CAPN1: variants seen among roughly 807,000 people sequenced by gnomAD.
The protein encoded by CAPN1 is calpain-1 catalytic subunit.
Under a neutral mutation model 105.2 loss-of-function variants are expected in CAPN1, and 77 were observed. That is an observed-to-expected ratio of 0.73 (90% CI 0.61 to 0.88). The LOEUF (loss-of-function observed/expected upper bound fraction) is 0.88, where lower values mean the gene tolerates loss of function less well. CAPN1 is among the 40% of genes least tolerant of loss of function. The pLI is 0.00. For missense variants in CAPN1, 833 were observed against 976.6 expected, an observed-to-expected ratio of 0.85 and a Z score of 1.96; for synonymous variants, 355 against 388.8, an observed-to-expected ratio of 0.91 and a Z score of 1.02.
In CAPN1 at chr11:65,196,649, CTCTTT is replaced by C. The variant is rs1482392764; in HGVS notation, c.1165+7905_1165+7909del. Among the ~76,000 whole-genome samples the C allele has an allele frequency of 2.0e-5, 3 of 152,124 alleles. No individual in the cohort carries two copies. The East Asian group carries it at 5.8e-4, about 29-fold the overall frequency. On this transcript the variant is annotated intron_variant, in intron 10 of 21. Transcript: ENST00000279247. ...GTTAGGTTATTGATTTGATAGCTCT[CTCTTT>C]TAATATATGTACATTTTTCATGGCC...
chr11:65,211,134 C>T (rs756327638), intron 21 of CAPN1, 126 bp from the exon 22 acceptor site: 209 of 1,076,256 alleles, frequency 1.9e-4, no homozygotes, highest in Non-Finnish European at 2.7e-4. Flanking sequence ...AAGAAAGTAA[C>T]CCCTCCATGA....
intron 10 of CAPN1, among the ~76,000 whole-genome samples, chr11:65,200,278 C>T (rs183474540): frequency 4.6e-5 from 7 of 152,070 alleles, no homozygotes; most frequent in African/African-American, 7.2e-5. Context: ...AGGACTCATG[C>T]GATCTGTCTG....
Position 65,188,636 on chromosome 11 carries a change from A to T in CAPN1, c.1055A>T (p.Asn352Ile). ...GAGTTCACCCGCCTGGAGATCTGCAACCTCACACCCGACGCCCTCAAGAGC... is the reference window on the plus strand; with the variant it reads ...GAGTTCACCCGCCTGGAGATCTGCATCCTCACACCCGACGCCCTCAAGAGC... ...MREFTRLEIC[N>I]LTPDALKSRT... is the part of the protein sequence containing the mutation. Residue 352 changes from asparagine to isoleucine, a missense_variant, in exon 10 of 22, where the codon AAC (asparagine) becomes ATC (isoleucine). Asn to Ile is a moderately radical substitution (Grantham distance 149). Transcript: ENST00000279247. The surrounding 1 kb of genome is among the most constrained non-coding windows in gnomAD (Gnocchi z 5.5). The T allele has an allele frequency of 6.2e-7, 1 of 1,613,834 alleles. No homozygotes were observed. Among genetic ancestry groups the T allele is most frequent in the Non-Finnish European group, 8.5e-7 (1 of 1,179,852 alleles).
intron 10 of CAPN1, among the ~76,000 whole-genome samples, chr11:65,193,019 C>T (rs1396936437): frequency 4.7e-5 from 7 of 149,202 alleles, no homozygotes; most frequent in Non-Finnish European, 7.4e-5. Context: ...CTTGCTCTGT[C>T]GCCCAGGCTG....
chr11:65,205,745 C>T, intron 12 of CAPN1, 24 bp downstream of exon 12: 1 of 1,611,726 alleles, frequency 6.2e-7, no homozygotes, highest in Non-Finnish European at 8.5e-7. Flanking sequence ...CATGACCCAC[C>T]TGCAGTCACA....
intron 10 of CAPN1, among the ~76,000 whole-genome samples, chr11:65,197,707 T>A (rs1948810956): frequency 6.6e-6 from 1 of 151,932 alleles, no homozygotes; most frequent in Non-Finnish European, 1.5e-5. Context: ...GCCAACATGG[T>A]GGAACCCCAT....
Position 65,210,950 on chromosome 11 carries a change from C to A in CAPN1, c.2118+78C>A. ...TTCTTATCTGGCCAGTGTTCCCTGT[C>A]CTTTCCTGGAAATGAGCCTGGGCCT... On this transcript the variant is annotated intron_variant, in intron 21 of 21. Coordinates refer to ENST00000279247, the MANE Select transcript of CAPN1 (RefSeq NM_005186.4). The surrounding 1 kb of genome is among the most constrained non-coding windows in gnomAD (Gnocchi z 4.3). 2 of 1,280,524 alleles carry A rather than the reference C, an allele frequency of 1.6e-6. No individual in the cohort carries two copies. Among genetic ancestry groups the A allele is most frequent in the South Asian group, 1.2e-5 (1 of 83,860 alleles). The allele number at this position is 1,280,524 out of a possible 1,614,324, so 79.3% of individuals were successfully genotyped here.
intron 14 of CAPN1, among the ~76,000 whole-genome samples, chr11:65,207,133 G>A (rs1948973034): frequency 1.3e-5 from 2 of 151,314 alleles, no homozygotes; most frequent in Admixed American, 1.3e-4. Context: ...CTCTGAATGG[G>A]AAATTCAGGT....
rs992797561 is a variant in CAPN1 at position 65,208,021 on chromosome 11, C to T, written c.1606-34C>T. The T allele has an allele frequency of 6.4e-7, 1 of 1,551,260 alleles. No homozygotes were observed. The highest frequency in any genetic ancestry group is 8.7e-7 in the Non-Finnish European group (1 of 1,144,590). On this transcript the variant is annotated intron_variant, in intron 14 of 21. Transcript: ENST00000279247. This position sits in a 1 kb window ranked among gnomAD's most constrained non-coding sequence, Gnocchi z 4.1. ...GCCTCCACACGGGCAGGGCCGGGGC[C>T]TCTCTTACCTGCTTTCTCCCCTTCT...
chr11:65,201,731 G>A (rs1456337971), intron 10 of CAPN1, among the ~76,000 whole-genome samples: 1 of 151,664 alleles, frequency 6.6e-6, no homozygotes, highest in Non-Finnish European at 1.5e-5. Context: ...TGTTAGCCAG[G>A]ATGGTCTCGA....
chr11:65,210,954 T>C lies in CAPN1; in HGVS notation c.2118+82T>C, dbSNP rs1165211088. 22 of 1,260,616 alleles carry C rather than the reference T, an allele frequency of 1.7e-5. No homozygotes were observed. The highest frequency in any genetic ancestry group is 2.4e-5 in the Non-Finnish European group (21 of 859,212). The allele number at this position is 1,260,616 out of a possible 1,614,324, so 78.1% of individuals were successfully genotyped here. On this transcript the variant is annotated intron_variant, in intron 21 of 21. Transcript: ENST00000279247. This position sits in a 1 kb window ranked among gnomAD's most constrained non-coding sequence, Gnocchi z 4.3. ...TATCTGGCCAGTGTTCCCTGTCCTT[T>C]CCTGGAAATGAGCCTGGGCCTCAGA...
At position 65,182,888 on chromosome 11, in the gene CAPN1, C is replaced by T. The variant is rs1346307250; in HGVS notation, c.187C>T (p.Pro63Ser). The change falls in exon 2 of 22, where the codon CCG becomes TCG. Residue 63 changes from proline (P) to serine (S), a missense_variant. Pro to Ser is a moderately conservative substitution (Grantham distance 74). Coordinates refer to ENST00000279247, the MANE Select transcript of CAPN1 (RefSeq NM_005186.4). ...CCTCTTCCGTGATGAGGCCTTCCCC[C>T]CGGTACCCCAGAGCCTGGGTTACAA... ...GTLFRDEAFP[P>S]VPQSLGYKDL... 5 of 1,606,020 alleles carry T rather than the reference C, an allele frequency of 3.1e-6. No individual in the cohort carries two copies. The African/African-American group carries it at 4.0e-5, about 13-fold the overall frequency.
Position 65,211,411 on chromosome 11 carries a change from G to A in CAPN1, c.*125G>A, listed in dbSNP as rs1364591805. 3.0e-5 allele frequency: 25 copies of A among 838,478 alleles called. 1 individual carries two copies. Among genetic ancestry groups the A allele is most frequent in the Non-Finnish European group, 4.9e-5 (25 of 509,730 alleles). 51.9% of individuals were successfully genotyped at this position (838,478 alleles called of 1,614,324 possible). A position where few individuals can be genotyped will look rare whatever the true frequency, so the allele number is the denominator to read the frequency against. ...TTCCTTGGAGCAGAGAGGCAGCCTC[G>A]TCCTCCTGTCCCCTCTCCTCCCAGC... On this transcript the variant is annotated 3_prime_UTR_variant, in exon 22 of 22. Transcript: ENST00000279247.
At chr11:65,193,962 ATTTTTT>A (rs60784154) in intron 10 of CAPN1, among the ~76,000 whole-genome samples, 3 of 76,206 alleles carry the variant, frequency 3.9e-5, no homozygotes, top group Non-Finnish European at 2.5e-5. Flanking sequence ...CTTTGGATTG[ATTTTTT>A]TTTTTTTTTT....
chr11:65,210,052 G>T lies in CAPN1; in HGVS notation c.1898G>T (p.Gly633Val). ...IFRKFDLDKS[G>V]SMSAYEMRMA... Reference sequence around the variant, plus strand: ...CGGAAGTTTGACCTGGACAAGTCGGGCAGCATGAGTGCCTACGAGATGCGG... The same window carrying T: ...CGGAAGTTTGACCTGGACAAGTCGGTCAGCATGAGTGCCTACGAGATGCGG... The change falls in exon 19 of 22, where the codon GGC (glycine) becomes GTC (valine). Residue 633 changes from glycine (G) to valine (V), a missense_variant. Transcript: ENST00000279247. This position sits in a 1 kb window ranked among gnomAD's most constrained non-coding sequence, Gnocchi z 4.3. 6.2e-7 allele frequency: 1 copy of T among 1,613,054 alleles called. No homozygotes were observed. Among genetic ancestry groups the T allele is most frequent in the Non-Finnish European group, 8.5e-7 (1 of 1,179,842 alleles).
Position 65,182,697 on chromosome 11 carries a change from G to A in CAPN1, c.-1-4G>A. 6.5e-7 allele frequency: 1 copy of A among 1,548,256 alleles called. No individual in the cohort carries two copies. ...GGTTCTGAGCAGGCCCATCTGTCCG[G>A]CAGGATGTCGGAGGAGATCATCACG... On this transcript the variant is annotated splice_region_variant and splice_polypyrimidine_tract_variant and intron_variant, in intron 1 of 21. Coordinates refer to ENST00000279247, the MANE Select transcript of CAPN1 (RefSeq NM_005186.4).
chr11:65,211,049 G>C, intron 21 of CAPN1, 177 bp downstream of exon 21: 1 of 744,652 alleles, frequency 1.3e-6, no homozygotes, highest in Non-Finnish European at 2.3e-6. Context: ...TCTGGGAAAG[G>C]AGCAGGAGGG....
Position 65,182,790 on chromosome 11 carries a change from G to A in CAPN1, c.89G>A (p.Arg30His), listed in dbSNP as rs1047886701. Residue 30 changes from arginine to histidine, a missense_variant, in exon 2 of 22, where the codon CGC becomes CAC. Physicochemically the swap from Arg to His is conservative, Grantham distance 29. Transcript: ENST00000279247. ...CGGGCCAGGGAGCTGGGCCTGGGCC[G>A]CCATGAGAATGCCATCAAGTACCTG... is the stretch of plus-strand genomic sequence containing the variant. ...KQRARELGLG[R>H]HENAIKYLGQ... 8 of 1,583,170 alleles carry A rather than the reference G, an allele frequency of 5.1e-6. No homozygotes were observed. The highest frequency in any genetic ancestry group is 3.5e-5 in the South Asian group (3 of 86,826).
In CAPN1 at chr11:65,183,168, C is replaced by T; in HGVS notation, c.308C>T (p.Thr103Ile). The T allele has an allele frequency of 6.2e-7, 1 of 1,613,882 alleles. No individual in the cohort carries two copies. The highest frequency in any genetic ancestry group is 8.5e-7 in the Non-Finnish European group (1 of 1,179,822). Residue 103 changes from threonine to isoleucine, a missense_variant, in exon 3 of 22, where the codon ACC (threonine) becomes ATC (isoleucine). By Grantham distance (89) the Thr-to-Ile change is moderately conservative (BLOSUM62 -1). Transcript: ENST00000279247. Reference protein sequence around the residue: ...SNPQFIVDGATRTDICQGALG... With the variant: ...SNPQFIVDGAIRTDICQGALG... ...CCCCAGTTCATTGTGGATGGAGCTA[C>T]CCGCACAGACATCTGCCAGGGAGCA...
Sources: gnomAD v4.1 joint callset for allele counts (sites outside exome capture counted in the v4.1 genomes callset) on GRCh38, gnomAD v4.1.1 for gene constraint, Gnocchi (gnomAD v3.1) non-coding constraint, MANE v1.5 for transcripts, NCBI Gene and HGNC (gene_info 2026-07-23, HGNC 2026-07-21) for gene names.